Variants in ARID1B observed in about 807,000 individuals in gnomAD.
The protein encoded by ARID1B is AT-rich interactive domain-containing protein 1B.
ARID1B carries 30 observed loss-of-function variants against 212.3 expected under a neutral mutation model. The observed-to-expected ratio is 0.14, with a 90% CI of 0.11 to 0.19. The LOEUF (loss-of-function observed/expected upper bound fraction) is 0.19, where lower values mean the gene tolerates loss of function less well. Among genes scored for constraint, ARID1B ranks in the 10% least tolerant of loss-of-function variants. ARID1B has a pLI of 1.00. For synonymous variants in ARID1B, 1,402 were observed against 1,301.7 expected (o/e 1.08, Z -1.66); for missense variants, 2,891 against 3,204.0 (o/e 0.90, Z 2.36).
At chr6:156,809,734 A>AT (rs1781435553) in intron 1 of ARID1B, among the ~76,000 whole-genome samples, 1 of 148,702 alleles carries the variant, frequency 6.7e-6, no homozygotes. Context: ...AAAAAAAAAA[A>AT]GGACTCCCTT....
At chr6:156,806,258 A>G (rs1047661404) in intron 1 of ARID1B, among the ~76,000 whole-genome samples, 1 of 152,188 alleles carries the variant, frequency 6.6e-6, no homozygotes, top group Non-Finnish European at 1.5e-5. Context: ...TTTTTAAATA[A>G]AAAAAGCAAA....
intron 1 of ARID1B, among the ~76,000 whole-genome samples, chr6:156,812,977 T>TAC (rs1781673558): frequency 1.1e-5 from 1 of 88,996 alleles, no homozygotes; most frequent in Non-Finnish European, 2.3e-5. Flanking sequence ...TGTGTGTGTG[T>TAC]ATGTATATAC....
intron 4 of ARID1B, among the ~76,000 whole-genome samples, chr6:156,980,511 A>G (rs752268734): frequency 6.6e-6 from 1 of 152,158 alleles, no homozygotes; most frequent in Non-Finnish European, 1.5e-5. Context: ...AAACAAAATA[A>G]GAATCATTGA....
At chr6:157,129,762 T>A (rs1381587154) in intron 6 of ARID1B, among the ~76,000 whole-genome samples, 8 of 152,228 alleles carry the variant, frequency 5.3e-5, no homozygotes, top group African/African-American at 1.4e-4. Context: ...TATGTATTTT[T>A]AAGGACTGAG....
chr6:156,940,042 C>G (rs1792550536), intron 4 of ARID1B: 1 of 152,048 alleles, frequency 6.6e-6, no homozygotes, highest in African/African-American at 2.4e-5. Context: ...GTTAATATTC[C>G]TCAGTTTAAA....
intron 8 of ARID1B, among the ~76,000 whole-genome samples, chr6:157,164,316 G>C (rs1791165163): frequency 6.6e-6 from 1 of 152,224 alleles, no homozygotes; most frequent in Non-Finnish European, 1.5e-5. Context: ...AAAACCTGTA[G>C]TGTGTGCCTT....
chr6:156,898,168 C>T (rs543427625), intron 2 of ARID1B, among the ~76,000 whole-genome samples: 4 of 152,242 alleles, frequency 2.6e-5, no homozygotes, highest in Admixed American at 6.5e-5. Context: ...TGCTGACTAG[C>T]GCTCAGTAAC....
intron 1 of ARID1B, among the ~76,000 whole-genome samples, chr6:156,807,208 C>A (rs1359804313): frequency 6.7e-6 from 1 of 149,752 alleles, no homozygotes; most frequent in Non-Finnish European, 1.5e-5. Context: ...TCTCAGCTAA[C>A]AGGAAGCTGG....
chr6:157,034,249 C>T (rs1379409922), intron 4 of ARID1B, among the ~76,000 whole-genome samples: 1 of 152,122 alleles, frequency 6.6e-6, no homozygotes, highest in Non-Finnish European at 1.5e-5. Flanking sequence ...TGACATTAGG[C>T]ACAAAACATT....
At chr6:157,061,130 T>G (rs1431869397) in intron 4 of ARID1B, among the ~76,000 whole-genome samples, 1 of 152,208 alleles carries the variant, frequency 6.6e-6, no homozygotes, top group Non-Finnish European at 1.5e-5. Context: ...CTGTCAAAGT[T>G]TAATTCCTTC....
intron 1 of ARID1B, among the ~76,000 whole-genome samples, chr6:156,794,889 C>G (rs1045062827): frequency 3.3e-5 from 5 of 152,118 alleles, no homozygotes; most frequent in African/African-American, 1.2e-4. Flanking sequence ...GGCCCACATT[C>G]TTATAATTCA....
chr6:156,855,735 G>A (rs748441864), intron 2 of ARID1B, among the ~76,000 whole-genome samples: 1 of 152,158 alleles, frequency 6.6e-6, no homozygotes, highest in African/African-American at 2.4e-5. Flanking sequence ...GTGTGTGAGT[G>A]TGCGTGCATG....
rs574141489 is a variant in ARID1B at position 157,206,498 on chromosome 6, A to G, written c.5726A>G (p.Lys1909Arg). Residue 1909 changes from lysine to arginine, a missense_variant, in exon 20 of 20, where the codon AAG becomes AGG. Physicochemically the swap from Lys to Arg is conservative, Grantham distance 26. Transcript: ENST00000636930. This position sits in a 1 kb window ranked among gnomAD's most constrained non-coding sequence, Gnocchi z 6.8. ...CCCAAGCAAGCCAGTAAGTTCGACAAGCTGCCAATAAAGATAGTCAAAAAG... is the reference window on the plus strand; with the variant it reads ...CCCAAGCAAGCCAGTAAGTTCGACAGGCTGCCAATAAAGATAGTCAAAAAG... ...EKPKQASKFD[K>R]LPIKIVKKNN... The G allele has an allele frequency of 6.3e-5, 101 of 1,614,204 alleles. 1 individual carries two copies. Among genetic ancestry groups the G allele is most frequent in the Middle Eastern group, 1.6e-4 (1 of 6,062 alleles).
chr6:156,818,188 C>T (rs1207803462), intron 1 of ARID1B, among the ~76,000 whole-genome samples: 2 of 131,950 alleles, frequency 1.5e-5, no homozygotes, highest in African/African-American at 5.7e-5. Flanking sequence ...AAGCACATTA[C>T]AGTAAGAGTC....
intron 1 of ARID1B, among the ~76,000 whole-genome samples, chr6:156,803,944 A>G (rs576038052): frequency 9.6e-4 from 147 of 152,338 alleles, no homozygotes; most frequent in African/African-American, 3.4e-3. Flanking sequence ...ATATAGCTTT[A>G]CATCCAATGT....
intron 8 of ARID1B, among the ~76,000 whole-genome samples, chr6:157,153,898 C>A (rs1235658736): frequency 2.0e-5 from 3 of 152,186 alleles, no homozygotes; most frequent in Admixed American, 1.3e-4. Context: ...TCTCAGCCTC[C>A]CAAAGTGCTG....
chr6:156,911,782 C>T (rs1456162776), intron 3 of ARID1B, among the ~76,000 whole-genome samples: 1 of 152,164 alleles, frequency 6.6e-6, no homozygotes, highest in Non-Finnish European at 1.5e-5. Context: ...GAGCCATGGA[C>T]TCCACAGGTG....
At chr6:156,961,110 C>T (rs1322113202) in intron 4 of ARID1B, among the ~76,000 whole-genome samples, 3 of 152,182 alleles carry the variant, frequency 2.0e-5, no homozygotes, top group Admixed American at 2.0e-4. Context: ...ACCCAAATCC[C>T]TGAGCTTTTG....
In ARID1B at chr6:156,778,985, C is replaced by A. The variant is rs1417033247; in HGVS notation, c.1305C>A (p.Gly435=). The part of the protein sequence containing the change: ...AAAAAAAAAG[G]GGGGGYGGSS... ...CGGCGGCGGCGGCAGCAGCAGGAGGCGGCGGCGGCGGCGGCTATGGGGGCT... is the reference window on the plus strand; with the variant it reads ...CGGCGGCGGCGGCAGCAGCAGGAGGAGGCGGCGGCGGCGGCTATGGGGGCT... The change falls in exon 1 of 20, where the codon GGC becomes GGA. Residue 435 remains glycine, a synonymous_variant. Transcript: ENST00000636930. The A allele has an allele frequency of 8.0e-7, 1 of 1,253,998 alleles. No individual in the cohort carries two copies. The highest frequency in any genetic ancestry group is 9.9e-7 in the Non-Finnish European group (1 of 1,007,288). 77.7% of individuals were successfully genotyped at this position (1,253,998 alleles called of 1,614,324 possible).
Sources: gnomAD v4.1 joint callset for allele counts (sites outside exome capture counted in the v4.1 genomes callset) on GRCh38, gnomAD v4.1.1 for gene constraint, Gnocchi (gnomAD v3.1) non-coding constraint, MANE v1.5 for transcripts, NCBI Gene and HGNC (gene_info 2026-07-23, HGNC 2026-07-21) for gene names.